Variants in CADPS2 observed in about 807,000 individuals in gnomAD.
The protein encoded by CADPS2 is calcium-dependent secretion activator 2.
CADPS2 carries 93 observed loss-of-function variants against 172.5 expected under a neutral mutation model. The observed-to-expected ratio is 0.54, with a 90% CI of 0.46 to 0.64. CADPS2 has a LOEUF of 0.64. Ranked by LOEUF, CADPS2 falls within the 30% of genes least tolerant of loss-of-function variation. The probability of loss-of-function intolerance (pLI) is 0.00; values close to 1 mark genes in which losing one functional copy is unlikely to be tolerated. For missense variants in CADPS2, 1,420 were observed against 1,565.9 expected (o/e 0.91, Z 1.57); for synonymous variants, 546 against 555.2 (o/e 0.98, Z 0.23).
At chr7:122,852,401 T>C (rs1372798087) in intron 1 of CADPS2, among the ~76,000 whole-genome samples, 1 of 152,168 alleles carries the variant, frequency 6.6e-6, no homozygotes, top group Admixed American at 6.5e-5. Context: ...AGGGGGAAGA[T>C]AATGAATGTG....
At chr7:122,381,690 T>C (rs2043018534) in intron 24 of CADPS2, among the ~76,000 whole-genome samples, 1 of 151,962 alleles carries the variant, frequency 6.6e-6, no homozygotes, top group African/African-American at 2.4e-5. Flanking sequence ...TACACTCCCG[T>C]AGATTGTTGC....
At chr7:122,536,674 T>C (rs1281640727) in intron 8 of CADPS2, among the ~76,000 whole-genome samples, 2 of 152,064 alleles carry the variant, frequency 1.3e-5, no homozygotes, top group Non-Finnish European at 2.9e-5. Context: ...ACAATCTTTT[T>C]ATATGAATGG....
intron 2 of CADPS2, among the ~76,000 whole-genome samples, chr7:122,705,640 ATATAT>A (rs1478814873): frequency 1.1e-4 from 10 of 93,268 alleles, no homozygotes; most frequent in Admixed American, 3.2e-4. Context: ...ATGATATATA[ATATAT>A]TATATAATAT....
intron 14 of CADPS2, among the ~76,000 whole-genome samples, chr7:122,459,050 A>C (rs996544073): frequency 8.5e-5 from 13 of 152,054 alleles, no homozygotes; most frequent in Admixed American, 6.6e-5. Context: ...AAAATTTCCT[A>C]TAAATATGCC....
At chr7:122,625,785 A>G (rs1037357257) in intron 4 of CADPS2, among the ~76,000 whole-genome samples, 2 of 151,828 alleles carry the variant, frequency 1.3e-5, no homozygotes, top group Middle Eastern at 3.4e-3. Flanking sequence ...CTGCCCTCCC[A>G]CACACACACA....
chr7:122,691,345 C>T (rs1365032589), intron 2 of CADPS2, among the ~76,000 whole-genome samples: 1 of 152,246 alleles, frequency 6.6e-6, no homozygotes, highest in African/African-American at 2.4e-5. Context: ...AGCTCAGCTC[C>T]CTTCCACAGC....
intron 6 of CADPS2, among the ~76,000 whole-genome samples, chr7:122,589,839 T>C (rs968006609): frequency 6.6e-6 from 1 of 151,924 alleles, no homozygotes; most frequent in Admixed American, 6.6e-5. Context: ...TATGGGCTTA[T>C]ACATGTATCT....
chr7:122,769,440 CTT>C (rs2093647932), intron 1 of CADPS2, among the ~76,000 whole-genome samples: 1 of 152,124 alleles, frequency 6.6e-6, no homozygotes, highest in African/African-American at 2.4e-5. Context: ...CACTCCACCT[CTT>C]TGTGTTCATT....
At chr7:122,533,467 C>T (rs1464111534) in intron 8 of CADPS2, among the ~76,000 whole-genome samples, 1 of 152,054 alleles carries the variant, frequency 6.6e-6, no homozygotes, top group Non-Finnish European at 1.5e-5. Flanking sequence ...ATTTTTGTAA[C>T]CACTCAAATC....
intron 7 of CADPS2, among the ~76,000 whole-genome samples, chr7:122,558,837 G>A (rs768249894): frequency 2.0e-5 from 3 of 152,102 alleles, no homozygotes; most frequent in Admixed American, 6.6e-5. Context: ...CATAAACTCT[G>A]TGATCTGTGA....
chr7:122,744,031 C>A (rs946582406), intron 1 of CADPS2, among the ~76,000 whole-genome samples: 19 of 152,204 alleles, frequency 1.2e-4, no homozygotes, highest in African/African-American at 4.1e-4. Context: ...CCATCTAATT[C>A]TACAAATATC....
rs183984338 is a variant in CADPS2, at chr7:122,530,022, T to A, written c.1476-16707A>T. ...TCTATAAGACATATTTTGGAATTAG[T>A]GCTATTTGACTCACTTAATATTTAC... On this transcript the variant is annotated intron_variant, in intron 8 of 29. Coordinates refer to ENST00000449022, the MANE Select transcript of CADPS2 (RefSeq NM_017954.11). 3.7e-3 allele frequency among the ~76,000 whole-genome samples: 563 copies of A among 152,238 alleles called. 3 individuals are homozygous for A. Among genetic ancestry groups the A allele is most frequent in the Middle Eastern group, 6.8e-3 (2 of 294 alleles).
intron 1 of CADPS2, among the ~76,000 whole-genome samples, chr7:122,834,739 G>A (rs1202097597): frequency 1.3e-5 from 2 of 152,196 alleles, no homozygotes; most frequent in Non-Finnish European, 2.9e-5. Context: ...GGCTGGGGGA[G>A]GGGCACCTGC....
chr7:122,402,211 C>T (rs1416427504), intron 20 of CADPS2, among the ~76,000 whole-genome samples: 1 of 152,098 alleles, frequency 6.6e-6, no homozygotes, highest in East Asian at 1.9e-4. Context: ...CTGCCCCCGA[C>T]AACACAATGC....
chr7:122,834,114 T>G (rs1253435388), intron 1 of CADPS2, among the ~76,000 whole-genome samples: 1 of 152,086 alleles, frequency 6.6e-6, no homozygotes, highest in Non-Finnish European at 1.5e-5. Flanking sequence ...GGTGTGCCCT[T>G]TAAGTTAACA....
chr7:122,652,893 T>A (rs1416393981), intron 3 of CADPS2, among the ~76,000 whole-genome samples: 1 of 152,218 alleles, frequency 6.6e-6, no homozygotes, highest in East Asian at 1.9e-4. Context: ...ATGTGCTATC[T>A]TCTATCTTAG....
intron 17 of CADPS2, chr7:122,425,832 GT>G (rs1252556717): frequency 2.0e-5 from 3 of 152,054 alleles, no homozygotes; most frequent in Non-Finnish European, 2.9e-5. Flanking sequence ...ATTCCTTCCT[GT>G]TTTTTAAGTG....
chr7:122,536,317 C>T (rs2062267039), intron 8 of CADPS2, among the ~76,000 whole-genome samples: 1 of 152,008 alleles, frequency 6.6e-6, no homozygotes, highest in South Asian at 2.1e-4. Flanking sequence ...ATGAAAATGA[C>T]ACAGATCATT....
chr7:122,401,129 A>T (rs2045896990), intron 20 of CADPS2, among the ~76,000 whole-genome samples: 1 of 152,112 alleles, frequency 6.6e-6, no homozygotes, highest in South Asian at 2.1e-4. Flanking sequence ...ACCACATTCC[A>T]ATTTTTCCTT....
Sources: gnomAD v4.1 joint callset for allele counts (sites outside exome capture counted in the v4.1 genomes callset) on GRCh38, gnomAD v4.1.1 for gene constraint, MANE v1.5 for transcripts, NCBI Gene and HGNC (gene_info 2026-07-23, HGNC 2026-07-21) for gene names.